The following ITGA8 variants were observed in gnomAD, a reference collection of about 807,000 sequenced individuals.
ITGA8 encodes the protein integrin subunit alpha 8, also known as integrin alpha-8.
In ITGA8, 91 loss-of-function variants were observed where a neutral mutation model predicts 142.3. The ratio of observed to expected loss-of-function variants is 0.64; its 90% CI spans 0.54 to 0.76. The LOEUF (loss-of-function observed/expected upper bound fraction) is 0.76, where lower values mean the gene tolerates loss of function less well. Among genes scored for constraint, ITGA8 ranks in the 30% least tolerant of loss-of-function variants. The pLI is 0.00. For synonymous variants in ITGA8, 505 were observed against 485.2 expected (o/e 1.04, Z -0.54); for missense variants, 1,406 against 1,327.7 (o/e 1.06, Z -0.92).
chr10:15,627,018 C>G (rs1234104175), intron 13 of ITGA8, among the ~76,000 whole-genome samples: 1 of 152,134 alleles, frequency 6.6e-6, no homozygotes, highest in Admixed American at 6.5e-5. Context: ...ACACCCTCAT[C>G]TAAGAACTCA....
At chr10:15,673,966 C>G (rs117906230) in intron 6 of ITGA8, among the ~76,000 whole-genome samples, 1 of 148,900 alleles carries the variant, frequency 6.7e-6, no homozygotes, top group Non-Finnish European at 1.5e-5. Flanking sequence ...AGTGTGATAT[C>G]ATGCTCTTTG....
At position 15,686,422 on chromosome 10, in the gene ITGA8, C is replaced by T. The variant is rs569320688; in HGVS notation, c.444+1516G>A. ...GAAGCATTCACTTGTGTAGCTTGAT[C>T]TTCTCCAACTGGCCTCACCTTCTGT... On this transcript the variant is annotated intron_variant, in intron 3 of 29. Transcript: ENST00000378076. Among the ~76,000 whole-genome samples the T allele has an allele frequency of 2.6e-5, 4 of 152,368 alleles. No homozygotes were observed. In the East Asian group the frequency reaches 7.7e-4, roughly 29 times the overall value.
At chr10:15,549,206 T>G (rs1006828430) in intron 26 of ITGA8, among the ~76,000 whole-genome samples, 1 of 14,258 alleles carries the variant, frequency 7.0e-5, no homozygotes, top group Non-Finnish European at 2.4e-4. Context: ...TTTCTGTTTT[T>G]TTTTTTTTTT....
chr10:15,687,359 A>G lies in ITGA8; in HGVS notation c.444+579T>C, dbSNP rs540025061. 3.3e-5 allele frequency among the ~76,000 whole-genome samples: 5 copies of G among 152,006 alleles called. No homozygotes were observed. In the South Asian group the frequency reaches 1.0e-3, roughly 32 times the overall value. ...TTCAATAGTCATTTTCTTCTCGGTAACTTAGACATGTATCATTGCTCAGAA... is the reference window on the plus strand; with the variant it reads ...TTCAATAGTCATTTTCTTCTCGGTAGCTTAGACATGTATCATTGCTCAGAA... On this transcript the variant is annotated intron_variant, in intron 3 of 29. Transcript: ENST00000378076.
At chr10:15,601,052 C>T (rs1191140982) in intron 20 of ITGA8, among the ~76,000 whole-genome samples, 1 of 152,022 alleles carries the variant, frequency 6.6e-6, no homozygotes, top group Non-Finnish European at 1.5e-5. Context: ...CCAGTCTAGC[C>T]AATATGGTGA....
At chr10:15,615,309 T>C (rs533547680) in intron 14 of ITGA8, among the ~76,000 whole-genome samples, 11 of 152,312 alleles carry the variant, frequency 7.2e-5, no homozygotes, top group African/African-American at 2.6e-4. Context: ...AAGTGGGATA[T>C]GGCTGGTACA....
intron 7 of ITGA8, 66 bp downstream of exon 7, chr10:15,672,558 C>G: frequency 1.3e-6 from 2 of 1,526,804 alleles, no homozygotes; most frequent in Non-Finnish European, 8.8e-7. Context: ...AGGGATAAAA[C>G]TTGCATCTAC....
At chr10:15,563,713 G>C (rs764017178) in intron 25 of ITGA8, among the ~76,000 whole-genome samples, 10 of 152,092 alleles carry the variant, frequency 6.6e-5, no homozygotes, top group Non-Finnish European at 1.3e-4. Flanking sequence ...CCAGGAGTTC[G>C]AGACCAGCCT....
intron 23 of ITGA8, among the ~76,000 whole-genome samples, chr10:15,579,165 A>T (rs1456522128): frequency 2.0e-5 from 3 of 152,154 alleles, no homozygotes; most frequent in Non-Finnish European, 4.4e-5. Flanking sequence ...GTTTTGCTGC[A>T]TATTTGCAGG....
intron 8 of ITGA8, among the ~76,000 whole-genome samples, chr10:15,669,008 C>G (rs1834453631): frequency 6.6e-6 from 1 of 152,142 alleles, no homozygotes; most frequent in Non-Finnish European, 1.5e-5. Context: ...TGGAGTTACT[C>G]TTCTGGAGGA....
chr10:15,609,141 T>C (rs1413315068), intron 15 of ITGA8, among the ~76,000 whole-genome samples: 1 of 152,142 alleles, frequency 6.6e-6, no homozygotes, highest in African/African-American at 2.4e-5. Flanking sequence ...GGCTTTGGTC[T>C]GTGGCTACAG....
intron 2 of ITGA8, among the ~76,000 whole-genome samples, chr10:15,711,244 T>C (rs965537184): frequency 3.9e-5 from 6 of 152,168 alleles, no homozygotes; most frequent in African/African-American, 7.2e-5. Context: ...ATTTAAAGAA[T>C]GTTGAAGAAG....
chr10:15,666,730 C>G lies in ITGA8; in HGVS notation c.847+4873G>C, dbSNP rs541922271. Among the ~76,000 whole-genome samples, 179 of 151,928 alleles carry G rather than the reference C, an allele frequency of 1.2e-3. 3 individuals are homozygous for G. The highest frequency in any genetic ancestry group is 3.6e-3 in the African/African-American group (149 of 41,442). On this transcript the variant is annotated intron_variant, in intron 8 of 29. Coordinates refer to ENST00000378076, the MANE Select transcript of ITGA8 (RefSeq NM_003638.3). ...TTTATTGAGAGTTTTTAGCATGAAG[C>G]GTTGTTGAATTTTGTCAAAGGCCTT...
chr10:15,635,718 CAT>C (rs1298374122), intron 13 of ITGA8, among the ~76,000 whole-genome samples: 1 of 152,124 alleles, frequency 6.6e-6, no homozygotes, highest in African/African-American at 2.4e-5. Context: ...TCAATAAAAA[CAT>C]AATGCTTGGC....
intron 4 of ITGA8, 89 bp from the exon 5 acceptor site, chr10:15,678,872 C>G (rs753355562): frequency 3.2e-4 from 227 of 709,252 alleles, no homozygotes; most frequent in Non-Finnish European, 4.7e-4. Flanking sequence ...GTTATTTTCT[C>G]TAGAACCTTC....
chr10:15,566,797 GT>G (rs1265060037), intron 25 of ITGA8, among the ~76,000 whole-genome samples: 1 of 101,074 alleles, frequency 9.9e-6, no homozygotes, highest in Non-Finnish European at 2.0e-5. Context: ...ATGCAACAGA[GT>G]GAGACCTTGT....
intron 2 of ITGA8, among the ~76,000 whole-genome samples, chr10:15,710,026 C>G (rs192254667): frequency 6.6e-6 from 1 of 152,242 alleles, no homozygotes; most frequent in Admixed American, 6.5e-5. Context: ...TTAATCTTTA[C>G]AGCACTTTAG....
At chr10:15,579,455 T>C (rs551767552) in intron 23 of ITGA8, among the ~76,000 whole-genome samples, 1 of 152,234 alleles carries the variant, frequency 6.6e-6, no homozygotes, top group South Asian at 2.1e-4. Flanking sequence ...TGGATTTAGT[T>C]ATGTCCTAAC....
chr10:15,572,282 T>C lies in ITGA8; in HGVS notation c.2566A>G (p.Ile856Val). 1 of 1,613,880 alleles carries C rather than the reference T, an allele frequency of 6.2e-7. No homozygotes were observed. Among genetic ancestry groups the C allele is most frequent in the Non-Finnish European group, 8.5e-7 (1 of 1,179,884 alleles). The change falls in exon 25 of 30, where the codon ATT (isoleucine) becomes GTT (valine). Residue 856 changes from isoleucine to valine, a missense_variant. By Grantham distance (29) the Ile-to-Val change is conservative. Coordinates refer to ENST00000378076, the MANE Select transcript of ITGA8 (RefSeq NM_003638.3). ...FSARDEFLLY[I>V]FHIQTLGPLQ... ...GGTCCCAGAGTTTGAATATGGAAAA[T>C]ATAGAGAAGAAATTCATCCCGGGCA...
Sources: gnomAD v4.1 joint callset for allele counts (sites outside exome capture counted in the v4.1 genomes callset) on GRCh38, gnomAD v4.1.1 for gene constraint, MANE v1.5 for transcripts, NCBI Gene and HGNC (gene_info 2026-07-23, HGNC 2026-07-21) for gene names.